LHFPL3: variants seen among roughly 807,000 people sequenced by gnomAD.
The protein encoded by LHFPL3 is LHFPL tetraspan subfamily member 3.
LHFPL3 carries 5 observed loss-of-function variants against 19.3 expected under a neutral mutation model. The observed-to-expected ratio is 0.26, with a 90% CI of 0.14 to 0.54. LHFPL3 has a LOEUF of 0.54. LHFPL3 is among the 20% of genes least tolerant of loss of function. The pLI is 0.94. For missense variants in LHFPL3, 249 were observed against 307.4 expected (o/e 0.81, Z 1.42); for synonymous variants, 133 against 126.2 (o/e 1.05, Z -0.36).
intron 2 of LHFPL3, among the ~76,000 whole-genome samples, chr7:104,840,019 C>T (rs71562620): frequency 0.093 from 13,502 of 144,526 alleles, 1,301 homozygotes; most frequent in East Asian, 0.48. Flanking sequence ...TAAAATTATA[C>T]ATATTAAGAT....
chr7:104,642,281 G>A (rs1308627781), intron 1 of LHFPL3, among the ~76,000 whole-genome samples: 4 of 151,730 alleles, frequency 2.6e-5, no homozygotes, highest in East Asian at 3.9e-4. Context: ...CAAGTGATCC[G>A]CCCACCTCAG....
At chr7:104,731,198 T>A (rs1406559719) in intron 1 of LHFPL3, among the ~76,000 whole-genome samples, 1 of 152,212 alleles carries the variant, frequency 6.6e-6, no homozygotes, top group Non-Finnish European at 1.5e-5. Flanking sequence ...AGCTTTGTTC[T>A]TTTGGCTTAG....
rs192351497 is a variant in LHFPL3, at chr7:104,615,791, C to T, written c.446-120884C>T. 2.6e-3 allele frequency among the ~76,000 whole-genome samples: 395 copies of T among 152,018 alleles called. 5 individuals are homozygous for T. Among genetic ancestry groups the T allele is most frequent in the African/African-American group, 8.6e-3 (358 of 41,472 alleles). On this transcript the variant is annotated intron_variant, in intron 1 of 2. Coordinates refer to ENST00000424859, the MANE Select transcript of LHFPL3 (RefSeq NM_199000.3). Reference sequence around the variant, plus strand: ...ACATGCGGTGTTTGGTTTTCGGTTCCTGTGTTAGTTTGCCGAATGATGGTT... The same window carrying T: ...ACATGCGGTGTTTGGTTTTCGGTTCTTGTGTTAGTTTGCCGAATGATGGTT...
intron 2 of LHFPL3, among the ~76,000 whole-genome samples, chr7:104,884,986 G>A (rs1427847696): frequency 6.6e-6 from 1 of 152,110 alleles, no homozygotes; most frequent in Non-Finnish European, 1.5e-5. Flanking sequence ...AGCAGGCAGG[G>A]GAGAGGGAAG....
In LHFPL3 at chr7:104,364,933, G is replaced by A. The variant is rs79965004; in HGVS notation, c.445+35709G>A. 3.4e-3 allele frequency among the ~76,000 whole-genome samples: 520 copies of A among 152,314 alleles called. 1 individual carries two copies. The highest frequency in any genetic ancestry group is 0.012 in the African/African-American group (492 of 41,560). ...GAGACTTTAGAAATTTATACTTTGA[G>A]AGAAGGAGTCAGTTGAGAGAGATAC... On this transcript the variant is annotated intron_variant, in intron 1 of 2. Coordinates refer to ENST00000424859, the MANE Select transcript of LHFPL3 (RefSeq NM_199000.3).
intron 2 of LHFPL3, among the ~76,000 whole-genome samples, chr7:104,817,120 C>T (rs1790570975): frequency 6.6e-6 from 1 of 152,224 alleles, no homozygotes; most frequent in Admixed American, 6.5e-5. Context: ...TATCTACACA[C>T]TTTATTGGAG....
chr7:104,419,520 T>C (rs553589789), intron 1 of LHFPL3, among the ~76,000 whole-genome samples: 1 of 152,300 alleles, frequency 6.6e-6, no homozygotes, highest in South Asian at 2.1e-4. Context: ...AACGAGTTCA[T>C]TTCAGATCTG....
rs191533964 is a variant in LHFPL3 at position 104,365,813 on chromosome 7, C to T, written c.445+36589C>T. Among the ~76,000 whole-genome samples, 345 of 131,374 alleles carry T rather than the reference C, an allele frequency of 2.6e-3. 3 individuals are homozygous for T. Among genetic ancestry groups the T allele is most frequent in the Non-Finnish European group, 1.9e-3 (115 of 61,330 alleles). 86.2% of individuals were successfully genotyped at this position (131,374 alleles called of 152,430 possible). A position where few individuals can be genotyped will look rare whatever the true frequency, so the allele number is the denominator to read the frequency against. ...AAAAAAAAAAAAAAAAAAGAAAAGC[C>T]TCTTTCCAGCTAGGCCATCTTCCTA... On this transcript the variant is annotated intron_variant, in intron 1 of 2. Coordinates refer to ENST00000424859, the MANE Select transcript of LHFPL3 (RefSeq NM_199000.3).
chr7:104,453,838 C>T (rs748864769), intron 1 of LHFPL3, among the ~76,000 whole-genome samples: 9 of 152,094 alleles, frequency 5.9e-5, no homozygotes, highest in Non-Finnish European at 1.2e-4. Flanking sequence ...TCACTTGCTC[C>T]TGCTTCAGCC....
At chr7:104,874,701 G>A (rs766263398) in intron 2 of LHFPL3, among the ~76,000 whole-genome samples, 5 of 151,982 alleles carry the variant, frequency 3.3e-5, no homozygotes, top group Admixed American at 6.6e-5. Flanking sequence ...GAGCCACCGC[G>A]CCCAGCTGGC....
At chr7:104,807,835 C>T (rs1039754043) in intron 2 of LHFPL3, among the ~76,000 whole-genome samples, 1 of 152,234 alleles carries the variant, frequency 6.6e-6, no homozygotes, top group African/African-American at 2.4e-5. Context: ...GTCTAAAGCA[C>T]ACTCATGATT....
intron 1 of LHFPL3, among the ~76,000 whole-genome samples, chr7:104,556,984 T>G (rs1333949188): frequency 6.6e-6 from 1 of 152,204 alleles, no homozygotes; most frequent in South Asian, 2.1e-4. Flanking sequence ...TGCTCCAGTT[T>G]CCAATGAGTT....
At position 104,438,191 on chromosome 7, in the gene LHFPL3, A is replaced by G. The variant is rs76120811; in HGVS notation, c.445+108967A>G. On this transcript the variant is annotated intron_variant, in intron 1 of 2. Coordinates refer to ENST00000424859, the MANE Select transcript of LHFPL3 (RefSeq NM_199000.3). ...GCCAGGAACTAGGGAGAGATATAAT[A>G]TTTATCATGATATGACACAGACATT... is the stretch of plus-strand genomic sequence containing the variant. Among the ~76,000 whole-genome samples, 382 of 152,300 alleles carry G rather than the reference A, an allele frequency of 2.5e-3. 11 individuals carry two copies. In the East Asian group the frequency reaches 0.072, roughly 29 times the overall value.
intron 1 of LHFPL3, among the ~76,000 whole-genome samples, chr7:104,434,509 T>G (rs756090427): frequency 3.3e-5 from 5 of 152,246 alleles, no homozygotes; most frequent in Non-Finnish European, 4.4e-5. Context: ...GGTTTCAATG[T>G]GTGATAGGCT....
intron 1 of LHFPL3, among the ~76,000 whole-genome samples, chr7:104,580,059 G>A (rs1003371306): frequency 6.6e-6 from 1 of 152,310 alleles, no homozygotes; most frequent in Middle Eastern, 3.4e-3. Flanking sequence ...ACCCTAGGTT[G>A]AAAGGTGAAA....
At chr7:104,380,563 G>T (rs79410084) in intron 1 of LHFPL3, among the ~76,000 whole-genome samples, 3 of 152,052 alleles carry the variant, frequency 2.0e-5, no homozygotes, top group Non-Finnish European at 2.9e-5. Flanking sequence ...ACATATCTGG[G>T]ATATTTTTGA....
At chr7:104,502,285 T>C (rs572079472) in intron 1 of LHFPL3, among the ~76,000 whole-genome samples, 12 of 152,334 alleles carry the variant, frequency 7.9e-5, no homozygotes, top group African/African-American at 2.9e-4. Flanking sequence ...CTTTGTCCCA[T>C]GGATTGGAAT....
chr7:104,432,499 C>T (rs6973879), intron 1 of LHFPL3, among the ~76,000 whole-genome samples: 6,189 of 152,208 alleles, frequency 0.041, 465 homozygotes, highest in Admixed American at 0.2. Flanking sequence ...GCTCCTTTCT[C>T]ACCCTCCACG....
chr7:104,439,821 C>G (rs1032475734), intron 1 of LHFPL3, among the ~76,000 whole-genome samples: 6 of 151,788 alleles, frequency 4.0e-5, no homozygotes, highest in Non-Finnish European at 2.9e-5. Context: ...TTTATTCAGC[C>G]CAGTAGAGAG....
Sources: gnomAD v4.1 joint callset for allele counts (sites outside exome capture counted in the v4.1 genomes callset) on GRCh38, gnomAD v4.1.1 for gene constraint, MANE v1.5 for transcripts, NCBI Gene and HGNC (gene_info 2026-07-23, HGNC 2026-07-21) for gene names.